The following PCDHA2 variants were observed in gnomAD, a reference collection of about 807,000 sequenced individuals.
The protein encoded by PCDHA2 is protocadherin alpha-2.
Under a neutral mutation model 66.0 loss-of-function variants are expected in PCDHA2, and 58 were observed. That is an observed-to-expected ratio of 0.88 (90% CI 0.71 to 1.09). The LOEUF is 1.09. Among genes scored for constraint, PCDHA2 ranks in the 50% least tolerant of loss-of-function variants. The pLI, the probability that PCDHA2 is intolerant of heterozygous loss-of-function variation, is 0.00. For synonymous variants in PCDHA2, 634 were observed against 554.0 expected (o/e 1.14, Z -2.03); for missense variants, 1,267 against 1,242.3 (o/e 1.02, Z -0.30).
intron 1 of PCDHA2, chr5:140,869,830 G>A: frequency 1.2e-6 from 2 of 1,611,658 alleles, no homozygotes; most frequent in Non-Finnish European, 1.7e-6. Flanking sequence ...TCCAGAGTTT[G>A]ATAAATCAGA....
Position 140,797,194 on chromosome 5 carries a change from G to A in PCDHA2, c.2230G>A (p.Ala744Thr), listed in dbSNP as rs1396970768. 3.7e-6 allele frequency: 6 copies of A among 1,614,056 alleles called. No homozygotes were observed. Among genetic ancestry groups the A allele is most frequent in the Non-Finnish European group, 5.1e-6 (6 of 1,180,050 alleles). The change falls in exon 1 of 4, where the codon GCC becomes ACC. Residue 744 changes from alanine (A) to threonine (T), a missense_variant. Coordinates refer to ENST00000526136, the MANE Select transcript of PCDHA2 (RefSeq NM_018905.3). ...PGKPTLVCSS[A>T]VGSWSYSQQR... ...AAAGCCCACGCTGGTGTGCTCCAGC[G>A]CCGTGGGGAGCTGGTCTTACTCGCA... is the stretch of plus-strand genomic sequence containing the variant.
Position 141,010,123 on chromosome 5 carries a change from A to G in PCDHA2, c.*186A>G, listed in dbSNP as rs782357783. The G allele has an allele frequency of 3.7e-6, 6 of 1,605,822 alleles. No individual in the cohort carries two copies. In the East Asian group the frequency reaches 1.3e-4, roughly 36 times the overall value. On this transcript the variant is annotated 3_prime_UTR_variant, in exon 4 of 4. Transcript: ENST00000526136. ...AGGTTTTGTCGTAAAAGCTTTACTA[A>G]GTCTGGTGTTAACTCTTTCTCTCCA...
intron 1 of PCDHA2, among the ~76,000 whole-genome samples, chr5:140,831,493 A>G (rs1458083033): frequency 1.2e-5 from 1 of 84,180 alleles, no homozygotes; most frequent in Non-Finnish European, 2.4e-5. Context: ...TGGAGTTACT[A>G]CACACGAGCA....
chr5:141,007,395 C>CAAAAAAA (rs35800918), intron 3 of PCDHA2, among the ~76,000 whole-genome samples: 1,149 of 94,062 alleles, frequency 0.012, no homozygotes, highest in African/African-American at 0.016. Flanking sequence ...TACTAAAATA[C>CAAAAAAA]AAAAAAAAAA....
chr5:140,976,553 A>C (rs1554237789), intron 1 of PCDHA2, among the ~76,000 whole-genome samples: 1 of 152,074 alleles, frequency 6.6e-6, no homozygotes, highest in African/African-American at 2.4e-5. Flanking sequence ...CCTATCTCAT[A>C]AATAAATAAA....
At chr5:140,947,436 G>C (rs269551) in intron 1 of PCDHA2, among the ~76,000 whole-genome samples, 37,364 of 151,424 alleles carry the variant, frequency 0.25, 5,790 homozygotes, top group African/African-American at 0.44. Flanking sequence ...TTGAAAATCA[G>C]CTGTGAAATC....
At chr5:140,994,163 G>A (rs2097601451) in intron 3 of PCDHA2, among the ~76,000 whole-genome samples, 1 of 152,200 alleles carries the variant, frequency 6.6e-6, no homozygotes, top group African/African-American at 2.4e-5. Flanking sequence ...CAACGAAGGG[G>A]AAGGAAGCTG....
At chr5:140,824,253 T>C in intron 1 of PCDHA2, 2 of 1,382,282 alleles carry the variant, frequency 1.4e-6, no homozygotes, top group South Asian at 1.3e-5. Flanking sequence ...TACACAATTA[T>C]TGCACTAATT....
chr5:140,881,491 C>A (rs1476916826), intron 1 of PCDHA2: 2 of 285,934 alleles, frequency 7.0e-6, no homozygotes, highest in Non-Finnish European at 1.1e-5. Flanking sequence ...TGTGTTTATG[C>A]ACATACACAC....
At chr5:140,873,044 A>G (rs115529200) in intron 1 of PCDHA2, among the ~76,000 whole-genome samples, 15 of 152,172 alleles carry the variant, frequency 9.9e-5, no homozygotes, top group Non-Finnish European at 1.8e-4. Flanking sequence ...GAGTGGTGGT[A>G]TTACAGACTT....
rs563698448 is a variant in PCDHA2 at position 140,899,116 on chromosome 5, T to G, written c.2389-79833T>G. On this transcript the variant is annotated intron_variant, in intron 1 of 3. Transcript: ENST00000526136. ...CTGAGATAATGGGGTTTTCTAGATA[T>G]ACAATCATGTCTTCTGCAAACAGGG... 5.8e-3 allele frequency among the ~76,000 whole-genome samples: 880 copies of G among 152,244 alleles called. 11 individuals are homozygous for G. Among genetic ancestry groups the G allele is most frequent in the African/African-American group, 0.019 (802 of 41,486 alleles).
At chr5:140,867,315 G>A (rs2049883099) in intron 1 of PCDHA2, 1 of 151,948 alleles carries the variant, frequency 6.6e-6, no homozygotes. Flanking sequence ...CTGTCATCTG[G>A]TCTAATGTTA....
chr5:140,952,841 C>T (rs2094805193), intron 1 of PCDHA2, among the ~76,000 whole-genome samples: 1 of 152,102 alleles, frequency 6.6e-6, no homozygotes, highest in South Asian at 2.1e-4. Context: ...TGGCCATCTG[C>T]TTGTCTTCTG....
chr5:140,834,723 CT>C, intron 1 of PCDHA2: 1 of 1,614,276 alleles, frequency 6.2e-7, no homozygotes, highest in South Asian at 1.1e-5. Flanking sequence ...GGAAAGGCCG[CT>C]GCAGGTTTTC....
rs529968685 is a variant in PCDHA2 at position 140,857,928 on chromosome 5, C to T, written c.2388+60576C>T. ...ATCCCGTTTCGCGTGGGGCTGTACA[C>T]GGGCGAGATCAGTACGACGCGCGCT... On this transcript the variant is annotated intron_variant, in intron 1 of 3. Coordinates refer to ENST00000526136, the MANE Select transcript of PCDHA2 (RefSeq NM_018905.3). The T allele has an allele frequency of 2.5e-6, 4 of 1,597,668 alleles. No individual in the cohort carries two copies. In the South Asian group the frequency reaches 3.3e-5, roughly 13 times the overall value.
chr5:140,979,434 A>G (rs1490433887), intron 2 of PCDHA2, among the ~76,000 whole-genome samples: 1 of 151,986 alleles, frequency 6.6e-6, no homozygotes, highest in South Asian at 2.1e-4. Context: ...CACATTGGCT[A>G]TTACATCCTA....
chr5:140,967,831 C>T (rs2153762943), intron 1 of PCDHA2: 1 of 1,614,130 alleles, frequency 6.2e-7, no homozygotes, highest in Admixed American at 1.7e-5. Flanking sequence ...TGGTGGACAT[C>T]GTGGACGTGA....
chr5:140,851,389 T>C, intron 1 of PCDHA2: 1 of 974,212 alleles, frequency 1.0e-6, no homozygotes, highest in Non-Finnish European at 1.2e-6. Flanking sequence ...ACCTTCAGTA[T>C]CTATTATTTT....
intron 1 of PCDHA2, among the ~76,000 whole-genome samples, chr5:140,845,529 C>T (rs1215652853): frequency 6.7e-6 from 1 of 149,420 alleles, no homozygotes; most frequent in Non-Finnish European, 1.5e-5. Context: ...TAATACTTTT[C>T]ACTATTCTAA....
Sources: gnomAD v4.1 joint callset for allele counts (sites outside exome capture counted in the v4.1 genomes callset) on GRCh38, gnomAD v4.1.1 for gene constraint, MANE v1.5 for transcripts, NCBI Gene and HGNC (gene_info 2026-07-23, HGNC 2026-07-21) for gene names.